Variants in STXBP6 observed in about 807,000 individuals in gnomAD.
STXBP6 encodes syntaxin binding protein 6.
In STXBP6, 21 loss-of-function variants were observed where a neutral mutation model predicts 26.9. That is an observed-to-expected ratio of 0.78 (90% confidence interval 0.55 to 1.12). STXBP6 has a LOEUF of 1.12. Ranked by LOEUF, STXBP6 falls within the 50% of genes most tolerant of loss-of-function variation. STXBP6 has a pLI of 0.00. For synonymous variants in STXBP6, 97 were observed against 92.6 expected (o/e 1.05, Z -0.27); for missense variants, 232 against 257.9 (o/e 0.90, Z 0.69).
intron 1 of STXBP6, among the ~76,000 whole-genome samples, chr14:24,975,387 C>T (rs1287969304): frequency 2.0e-5 from 3 of 152,128 alleles, no homozygotes; most frequent in Non-Finnish European, 2.9e-5. Flanking sequence ...TAAATTAATA[C>T]CCTTCTTCTG....
chr14:24,933,371 GC>G (rs776364790), intron 2 of STXBP6, among the ~76,000 whole-genome samples: 1 of 151,964 alleles, frequency 6.6e-6, no homozygotes, highest in African/African-American at 2.4e-5. Context: ...AAGTCACATA[GC>G]TGGAAACTTC....
chr14:24,869,445 C>G (rs1197757516), intron 2 of STXBP6, among the ~76,000 whole-genome samples: 1 of 152,154 alleles, frequency 6.6e-6, no homozygotes, highest in African/African-American at 2.4e-5. Flanking sequence ...ATAAATGATG[C>G]CACTTGTGTT....
Position 25,050,091 on chromosome 14 carries a change from C to T in STXBP6, c.-246G>A, listed in dbSNP as rs1397919452. ...GGTTGGGGGGAAACTCCCGGCAACT[C>T]CAACTCCGGGCGCTGGAGCTCCAGC... On this transcript the variant is annotated 5_prime_UTR_variant, in exon 1 of 6. Coordinates refer to ENST00000323944, the MANE Select transcript of STXBP6 (RefSeq NM_001394410.1). The T allele has an allele frequency of 3.8e-5, 6 of 157,592 alleles. No homozygotes were observed. Among genetic ancestry groups the T allele is most frequent in the Non-Finnish European group, 8.2e-5 (6 of 73,156 alleles). 9.8% of individuals were successfully genotyped at this position (157,592 alleles called of 1,614,324 possible).
chr14:24,969,144 C>A (rs1429014704), intron 2 of STXBP6, among the ~76,000 whole-genome samples: 2 of 152,180 alleles, frequency 1.3e-5, no homozygotes, highest in African/African-American at 2.4e-5. Flanking sequence ...GCATTCAGAA[C>A]TTTTTCCTAA....
chr14:24,951,620 T>C (rs1227426625), intron 2 of STXBP6, among the ~76,000 whole-genome samples: 1 of 152,222 alleles, frequency 6.6e-6, no homozygotes, highest in African/African-American at 2.4e-5. Context: ...TTCTCTTACA[T>C]AGCCCTGAAT....
At chr14:24,816,851 A>G (rs900191599) in intron 5 of STXBP6, 2 of 152,100 alleles carry the variant, frequency 1.3e-5, no homozygotes, top group African/African-American at 4.8e-5. Flanking sequence ...AGGATCCTCA[A>G]TCACCAGTAT....
At chr14:24,975,059 T>C (rs1217456390) in intron 1 of STXBP6, among the ~76,000 whole-genome samples, 1 of 152,192 alleles carries the variant, frequency 6.6e-6, no homozygotes, top group African/African-American at 2.4e-5. Flanking sequence ...AGGGGGTACT[T>C]ATTTACTTCC....
intron 1 of STXBP6, among the ~76,000 whole-genome samples, chr14:25,028,464 G>C (rs1011864708): frequency 6.6e-6 from 1 of 151,842 alleles, no homozygotes; most frequent in African/African-American, 2.4e-5. Flanking sequence ...TCACAGTATG[G>C]CTTACTGAAT....
rs991611266 is a variant in STXBP6 at position 25,049,189 on chromosome 14, G to A, written c.-33+689C>T. On this transcript the variant is annotated intron_variant, in intron 1 of 5. Transcript: ENST00000323944. The surrounding 1 kb of genome is among the most constrained non-coding windows in gnomAD (Gnocchi z 5.6). ...TGTAAACCTGAGGAAAGGTTGGAGG[G>A]AAAATCAAGCCACCCACCTACTCCA... 20 of 985,348 alleles carry A rather than the reference G, an allele frequency of 2.0e-5. No individual in the cohort carries two copies. The highest frequency in any genetic ancestry group is 2.2e-5 in the Non-Finnish European group (18 of 829,990). 61.0% of individuals were successfully genotyped at this position (985,348 alleles called of 1,614,324 possible). A position where few individuals can be genotyped will look rare whatever the true frequency, so the allele number is the denominator to read the frequency against.
chr14:25,041,723 C>T (rs2075645921), intron 1 of STXBP6, among the ~76,000 whole-genome samples: 1 of 152,238 alleles, frequency 6.6e-6, no homozygotes, highest in African/African-American at 2.4e-5. Context: ...GACATGGCCA[C>T]CTCTACCTTC....
At chr14:24,981,952 A>G (rs1473807265) in intron 1 of STXBP6, among the ~76,000 whole-genome samples, 1 of 152,226 alleles carries the variant, frequency 6.6e-6, no homozygotes, top group Non-Finnish European at 1.5e-5. Context: ...GAGGTTATAA[A>G]ACAGAAAATG....
chr14:24,948,109 G>A (rs2073052052), intron 2 of STXBP6, among the ~76,000 whole-genome samples: 1 of 152,128 alleles, frequency 6.6e-6, no homozygotes, highest in South Asian at 2.1e-4. Flanking sequence ...AGTGAGAAAA[G>A]GCGCCAATCC....
At chr14:24,895,801 C>T (rs1294698778) in intron 2 of STXBP6, among the ~76,000 whole-genome samples, 1 of 152,174 alleles carries the variant, frequency 6.6e-6, no homozygotes, top group Non-Finnish European at 1.5e-5. Context: ...TGTGTTATCA[C>T]GAACACGCTG....
chr14:24,863,208 T>A (rs934572545), intron 2 of STXBP6, among the ~76,000 whole-genome samples: 3 of 152,172 alleles, frequency 2.0e-5, no homozygotes, highest in Admixed American at 2.0e-4. Flanking sequence ...CTCCCCAGAC[T>A]AGGACCACGA....
chr14:24,819,149 A>C lies in STXBP6; in HGVS notation c.497T>G (p.Val166Gly). 1 of 1,614,142 alleles carries C rather than the reference A, an allele frequency of 6.2e-7. No homozygotes were observed. The change falls in exon 5 of 6, where the codon GTG becomes GGG. Residue 166 changes from valine (V) to glycine (G), a missense_variant. By Grantham distance (109) the Val-to-Gly change is moderately radical. Coordinates refer to ENST00000323944, the MANE Select transcript of STXBP6 (RefSeq NM_001394410.1). ...HSAADSVTSA[V>G]QKASQALNER... is the part of the protein sequence containing the mutation. ...ATTCAAGGCCTGGCTTGCCTTCTGCACTGCGCTGGTCACGCTGTCAGCAGC... is the reference window on the plus strand; with the variant it reads ...ATTCAAGGCCTGGCTTGCCTTCTGCCCTGCGCTGGTCACGCTGTCAGCAGC...
At chr14:25,031,916 C>A (rs1421197703) in intron 1 of STXBP6, among the ~76,000 whole-genome samples, 1 of 151,936 alleles carries the variant, frequency 6.6e-6, no homozygotes, top group East Asian at 1.9e-4. Flanking sequence ...CAACGAAGAG[C>A]CTAAGAAATG....
chr14:24,892,276 GA>G (rs1306603715), intron 2 of STXBP6, among the ~76,000 whole-genome samples: 2 of 151,990 alleles, frequency 1.3e-5, no homozygotes, highest in African/African-American at 2.4e-5. Context: ...AAAGTGGGGG[GA>G]AAAGAGGGTA....
At chr14:24,997,354 A>G (rs2074631452) in intron 1 of STXBP6, among the ~76,000 whole-genome samples, 1 of 152,270 alleles carries the variant, frequency 6.6e-6, no homozygotes, top group South Asian at 2.1e-4. Flanking sequence ...CAAATACCAA[A>G]TCAAGCATCA....
intron 2 of STXBP6, among the ~76,000 whole-genome samples, chr14:24,938,104 T>C (rs1302650089): frequency 3.9e-5 from 6 of 152,216 alleles, no homozygotes; most frequent in Admixed American, 3.9e-4. Flanking sequence ...CATAAAACTT[T>C]AGGCAGGGGA....
Sources: gnomAD v4.1 joint callset for allele counts (sites outside exome capture counted in the v4.1 genomes callset) on GRCh38, gnomAD v4.1.1 for gene constraint, Gnocchi (gnomAD v3.1) non-coding constraint, MANE v1.5 for transcripts, NCBI Gene and HGNC (gene_info 2026-07-23, HGNC 2026-07-21) for gene names.